The following RNF144A variants were observed in gnomAD, a reference collection of about 807,000 sequenced individuals.
RNF144A encodes the protein ring finger protein 144A.
RNF144A carries 11 observed loss-of-function variants against 38.7 expected under a neutral mutation model. The ratio of observed to expected loss-of-function variants is 0.28; its 90% CI spans 0.18 to 0.47. The LOEUF (loss-of-function observed/expected upper bound fraction) is 0.47. Among genes scored for constraint, RNF144A ranks in the 20% least tolerant of loss-of-function variants. The pLI is 0.99. For missense variants in RNF144A, 316 were observed against 377.2 expected (o/e 0.84, Z 1.34); for synonymous variants, 149 against 143.9 (o/e 1.04, Z -0.25).
At chr2:7,046,390 G>T (rs568446025), downstream of RNF144A, among the ~76,000 whole-genome samples, 2 of 152,338 alleles carry the variant, frequency 1.3e-5, no homozygotes, top group East Asian at 3.9e-4. Context: ...GGCTGCTATA[G>T]CCAGGGAAGG....
At chr2:7,015,635 C>T (rs1414094993) in intron 5 of RNF144A, among the ~76,000 whole-genome samples, 9 of 152,224 alleles carry the variant, frequency 5.9e-5, no homozygotes, top group Non-Finnish European at 1.3e-4. Flanking sequence ...TACAATGAAA[C>T]TGTAAAGAGT....
At chr2:7,033,914 C>T (rs138145440) in intron 8 of RNF144A, among the ~76,000 whole-genome samples, 198 of 152,288 alleles carry the variant, frequency 1.3e-3, no homozygotes, top group African/African-American at 4.6e-3. Flanking sequence ...GACTCGCAGC[C>T]CTCTCCACAG....
rs116821937 is a variant in RNF144A at position 7,038,036 on chromosome 2, C to T, written c.748-1593C>T. Among the ~76,000 whole-genome samples, 597 of 152,344 alleles carry T rather than the reference C, an allele frequency of 3.9e-3. 7 individuals are homozygous for T. The highest frequency in any genetic ancestry group is 0.014 in the African/African-American group (567 of 41,584). On this transcript the variant is annotated intron_variant, in intron 8 of 8. Coordinates refer to ENST00000320892, the MANE Select transcript of RNF144A (RefSeq NM_014746.6). ...TCTGTGCCTCTTTGACCAGCCATGC[C>T]GCCTGACTCAGATGATGGCATGTCT...
At chr2:7,049,181 T>C (rs974639805) in intron 6 of RNF144A, among the ~76,000 whole-genome samples, 2 of 152,050 alleles carry the variant, frequency 1.3e-5, no homozygotes, top group African/African-American at 4.8e-5. Context: ...GCGGGGGCTG[T>C]TGGGGGATGG....
intron 2 of RNF144A, among the ~76,000 whole-genome samples, chr2:6,975,048 A>G (rs1668225526): frequency 6.6e-6 from 1 of 152,200 alleles, no homozygotes; most frequent in Admixed American, 6.5e-5. Flanking sequence ...ATTTTTAAAT[A>G]TTCATGTGTA....
At position 6,917,686 on chromosome 2, in the gene RNF144A, G is replaced by A. The variant is rs1249801815; in HGVS notation, c.-212+64G>A. ...GGGCCGGCCGCGGAGCGGGGAGGGC[G>A]GGACGCGGCGCTGCGCGGCCGGCCT... On this transcript the variant is annotated intron_variant, in intron 1 of 8. Transcript: ENST00000320892. The surrounding 1 kb of genome is among the most constrained non-coding windows in gnomAD (Gnocchi z 4.8). The A allele has an allele frequency of 2.0e-5, 3 of 148,090 alleles. No individual in the cohort carries two copies. The highest frequency in any genetic ancestry group is 3.0e-5 in the Non-Finnish European group (2 of 66,500). The allele number at this position is 148,090 out of a possible 1,614,324, so 9.2% of individuals were successfully genotyped here. A position where few individuals can be genotyped will look rare whatever the true frequency, so the allele number is the denominator to read the frequency against.
At position 6,958,047 on chromosome 2, in the gene RNF144A, G is replaced by A. The variant is rs1667118836; in HGVS notation, c.-12+16900G>A. Among the ~76,000 whole-genome samples, 1 of 152,242 alleles carries A rather than the reference G, an allele frequency of 6.6e-6. No individual in the cohort carries two copies. ...GGAGTCGGGATGGAGCTCCAGGGAA[G>A]CAGATGGATCGCCGGAGGGCTGCTG... On this transcript the variant is annotated intron_variant, in intron 2 of 8. Coordinates refer to ENST00000320892, the MANE Select transcript of RNF144A (RefSeq NM_014746.6). The surrounding 1 kb of genome is among the most constrained non-coding windows in gnomAD (Gnocchi z 4.5).
intron 2 of RNF144A, among the ~76,000 whole-genome samples, chr2:6,969,665 A>G (rs541145965): frequency 2.8e-4 from 42 of 152,246 alleles, no homozygotes; most frequent in Non-Finnish European, 4.6e-4. Context: ...AGTGCTGACA[A>G]TGCCACAGGT....
the RNF144A span, among the ~76,000 whole-genome samples, chr2:7,075,714 A>G: frequency 6.6e-6 from 1 of 152,162 alleles, no homozygotes; most frequent in South Asian, 2.1e-4. Flanking sequence ...TTTTTTATAA[A>G]TTACCCAGTC....
chr2:7,031,283 G>A (rs572543268), intron 8 of RNF144A, among the ~76,000 whole-genome samples: 44 of 152,320 alleles, frequency 2.9e-4, no homozygotes, highest in Admixed American at 1.2e-3. Flanking sequence ...ATAGCCTACC[G>A]TGTGCTGGGT....
intron 3 of RNF144A, among the ~76,000 whole-genome samples, chr2:7,009,224 T>C (rs898510031): frequency 1.3e-5 from 2 of 152,240 alleles, no homozygotes; most frequent in Non-Finnish European, 2.9e-5. Context: ...TAAGAAGAAC[T>C]AGTATTTGCC....
intron 1 of RNF144A, among the ~76,000 whole-genome samples, chr2:6,939,078 C>T (rs957956100): frequency 4.6e-5 from 7 of 151,616 alleles, no homozygotes; most frequent in African/African-American, 1.2e-4. Flanking sequence ...GATATATTTT[C>T]ATTTATGTTG....
chr2:6,956,040 A>G (rs552410972), intron 2 of RNF144A, among the ~76,000 whole-genome samples: 10 of 152,332 alleles, frequency 6.6e-5, no homozygotes, highest in African/African-American at 2.4e-4. Context: ...GAAAGAGGCT[A>G]TAAAAATATT....
At chr2:7,014,399 C>T (rs544256925) in intron 3 of RNF144A, 55 bp from the exon 4 acceptor site, 2 of 1,187,384 alleles carry the variant, frequency 1.7e-6, no homozygotes, top group African/African-American at 1.5e-5. Flanking sequence ...ATCATGGTTT[C>T]TTCAGCATTA....
chr2:7,050,277 G>C (rs924025217), intron 6 of RNF144A, among the ~76,000 whole-genome samples: 2 of 152,162 alleles, frequency 1.3e-5, no homozygotes, highest in Non-Finnish European at 2.9e-5. Flanking sequence ...ATAAGTCTCA[G>C]GAGATCTTAT....
intron 2 of RNF144A, among the ~76,000 whole-genome samples, chr2:6,972,232 C>T (rs561194568): frequency 6.6e-6 from 1 of 152,324 alleles, no homozygotes; most frequent in South Asian, 2.1e-4. Flanking sequence ...ATTGTGGGCA[C>T]ACACTCAGTC....
chr2:6,974,582 G>T (rs1441182514), intron 2 of RNF144A, among the ~76,000 whole-genome samples: 2 of 151,788 alleles, frequency 1.3e-5, no homozygotes, highest in East Asian at 3.9e-4. Flanking sequence ...ATGGGAAAAA[G>T]ACAAGCCTCC....
chr2:7,010,485 G>T (rs985272049), intron 3 of RNF144A, among the ~76,000 whole-genome samples: 3 of 152,178 alleles, frequency 2.0e-5, no homozygotes, highest in Admixed American at 6.5e-5. Flanking sequence ...TCAGTAGCCA[G>T]CAGGCCTTCG....
chr2:7,005,048 T>C (rs960497853), intron 3 of RNF144A, among the ~76,000 whole-genome samples: 6 of 152,248 alleles, frequency 3.9e-5, no homozygotes, highest in Admixed American at 1.3e-4. Context: ...CTCTGCATTT[T>C]CTGTGAGATG....
Sources: allele counts gnomAD v4.1 joint callset (sites outside exome capture counted in the v4.1 genomes callset), GRCh38; gene constraint gnomAD v4.1.1; non-coding constraint Gnocchi (gnomAD v3.1); transcripts MANE v1.5; gene names NCBI Gene and HGNC (gene_info 2026-07-23, HGNC 2026-07-21).